The following FTCDNL1 variants were observed in gnomAD, a reference collection of about 807,000 sequenced individuals.
FTCDNL1 encodes the protein formiminotransferase cyclodeaminase N-terminal like.
FTCDNL1 carries 11 observed loss-of-function variants against 5.9 expected under a neutral mutation model. The ratio of observed to expected loss-of-function variants is 1.87; its 90% CI spans 1.18 to 3.10. The LOEUF (loss-of-function observed/expected upper bound fraction) is 3.10, where lower values mean the gene tolerates loss of function less well. Among genes scored for constraint, FTCDNL1 ranks in the 30% most tolerant of loss-of-function variants. The probability of loss-of-function intolerance (pLI) is 0.00; values close to 1 mark genes in which losing one functional copy is unlikely to be tolerated. For missense variants in FTCDNL1, 115 were observed against 65.5 expected (o/e 1.76, Z -2.61); for synonymous variants, 58 against 24.8 (o/e 2.34, Z -3.99).
chr2:199,711,066 T>C, the FTCDNL1 span, among the ~76,000 whole-genome samples: 1 of 151,996 alleles, frequency 6.6e-6, no homozygotes, highest in African/African-American at 2.4e-5. Flanking sequence ...AAGAAATAGA[T>C]ATTAATAAGG....
chr2:199,828,574 T>G (rs1702171737), intron 3 of FTCDNL1, among the ~76,000 whole-genome samples: 1 of 152,230 alleles, frequency 6.6e-6, no homozygotes, highest in South Asian at 2.1e-4. Context: ...TAACTCCTGC[T>G]TCATATTTGT....
the FTCDNL1 span, among the ~76,000 whole-genome samples, chr2:199,697,458 A>G: frequency 2.4e-4 from 36 of 152,140 alleles, no homozygotes; most frequent in African/African-American, 8.2e-4. Context: ...AAGCCAGAAG[A>G]GGTTGGGGGT....
intron 3 of FTCDNL1, among the ~76,000 whole-genome samples, chr2:199,761,138 T>C (rs1698251406): frequency 6.6e-6 from 1 of 152,248 alleles, no homozygotes; most frequent in African/African-American, 2.4e-5. Context: ...GACTGCTCCC[T>C]GCACAGAGTA....
the FTCDNL1 span, among the ~76,000 whole-genome samples, chr2:199,695,799 G>C: frequency 2.0e-5 from 3 of 152,232 alleles, no homozygotes; most frequent in Non-Finnish European, 4.4e-5. Flanking sequence ...GTTTGGTGCA[G>C]GAACAGCTGT....
At chr2:199,814,824 G>A (rs948089532) in intron 4 of FTCDNL1, among the ~76,000 whole-genome samples, 17 of 152,140 alleles carry the variant, frequency 1.1e-4, no homozygotes, top group Non-Finnish European at 2.2e-4. Context: ...ATAAAGTTTT[G>A]GTGTGGAGTA....
chr2:199,703,061 T>C, the FTCDNL1 span, among the ~76,000 whole-genome samples: 73 of 152,084 alleles, frequency 4.8e-4, 1 homozygote, highest in African/African-American at 1.4e-3. Flanking sequence ...TATTTAATTT[T>C]ATTATTATTA....
the FTCDNL1 span, among the ~76,000 whole-genome samples, chr2:199,673,846 T>C: frequency 6.6e-6 from 1 of 152,138 alleles, no homozygotes; most frequent in African/African-American, 2.4e-5. Context: ...ATATAGTCCT[T>C]CAGGGTTAAA....
At chr2:199,782,733 A>G in intron 3 of FTCDNL1, among the ~76,000 whole-genome samples, 1 of 152,168 alleles carries the variant, frequency 6.6e-6, no homozygotes, top group East Asian at 1.9e-4. Context: ...CTCAGTTTCT[A>G]GCTCATTACT....
chr2:199,676,415 A>G, the FTCDNL1 span, among the ~76,000 whole-genome samples: 1 of 152,062 alleles, frequency 6.6e-6, no homozygotes, highest in Non-Finnish European at 1.5e-5. Flanking sequence ...GGTTTCATAT[A>G]TATTATATAT....
At chr2:199,814,320 C>G (rs1232855658) in intron 4 of FTCDNL1, among the ~76,000 whole-genome samples, 1 of 152,162 alleles carries the variant, frequency 6.6e-6, no homozygotes. Flanking sequence ...GAAAAGAAAG[C>G]TAAGTGAGAA....
chr2:199,750,329 G>A, the FTCDNL1 span, among the ~76,000 whole-genome samples: 1 of 149,332 alleles, frequency 6.7e-6, no homozygotes, highest in Non-Finnish European at 1.5e-5. Flanking sequence ...CTACGCTCCA[G>A]CCTGGGTGAC....
At chr2:199,693,510 T>C in the FTCDNL1 span, among the ~76,000 whole-genome samples, 1 of 152,228 alleles carries the variant, frequency 6.6e-6, no homozygotes, top group Non-Finnish European at 1.5e-5. Flanking sequence ...GAGAAAGTGC[T>C]GTGAGAGACT....
Position 199,765,305 on chromosome 2 carries a change from G to C in FTCDNL1, c.212-4470C>G, listed in dbSNP as rs887199896. On this transcript the variant is annotated intron_variant, in intron 3 of 3. Coordinates refer to the FTCDNL1 transcript ENST00000416668. Reference sequence around the variant, plus strand: ...AATTGTAACAAACGTACCACTCTGTGGGGGGAATGTTGATAATGGGGTAGG... The same window carrying C: ...AATTGTAACAAACGTACCACTCTGTCGGGGGAATGTTGATAATGGGGTAGG... 2.6e-5 allele frequency among the ~76,000 whole-genome samples: 4 copies of C among 151,728 alleles called. No homozygotes were observed. In the South Asian group the frequency reaches 6.2e-4, roughly 24 times the overall value.
At chr2:199,775,972 G>A (rs562545578) in intron 3 of FTCDNL1, among the ~76,000 whole-genome samples, 1 of 149,974 alleles carries the variant, frequency 6.7e-6, no homozygotes, top group South Asian at 2.1e-4. Flanking sequence ...GGAGTGCAGT[G>A]GCGCGATATC....
downstream of FTCDNL1, among the ~76,000 whole-genome samples, chr2:199,757,857 T>C (rs777348604): frequency 3.3e-5 from 5 of 152,220 alleles, no homozygotes; most frequent in Non-Finnish European, 7.4e-5. Context: ...CAAAGTGGCT[T>C]AGAAGAACTT....
chr2:199,792,432 C>G (rs1037037517), intron 3 of FTCDNL1, among the ~76,000 whole-genome samples: 11 of 152,152 alleles, frequency 7.2e-5, no homozygotes, highest in Admixed American at 5.9e-4. Flanking sequence ...CAGCAGAGGA[C>G]TTTTTGGCTC....
chr2:199,827,649 A>G (rs1702117151), intron 3 of FTCDNL1, among the ~76,000 whole-genome samples: 1 of 152,158 alleles, frequency 6.6e-6, no homozygotes, highest in Admixed American at 6.5e-5. Flanking sequence ...ATGCAAGGAG[A>G]GAAAAATAAC....
At chr2:199,687,892 G>C in the FTCDNL1 span, among the ~76,000 whole-genome samples, 8 of 152,166 alleles carry the variant, frequency 5.3e-5, no homozygotes, top group African/African-American at 1.9e-4. Context: ...GAGGCTCAAA[G>C]ACTTTATATC....
At chr2:199,823,527 G>A (rs185150387) in intron 3 of FTCDNL1, among the ~76,000 whole-genome samples, 1 of 152,336 alleles carries the variant, frequency 6.6e-6, no homozygotes, top group East Asian at 1.9e-4. Context: ...CAGAATGGAT[G>A]TTGTGTTAGC....
Sources: gnomAD v4.1 joint callset for allele counts (sites outside exome capture counted in the v4.1 genomes callset) on GRCh38, gnomAD v4.1.1 for gene constraint, MANE v1.5 for transcripts, NCBI Gene and HGNC (gene_info 2026-07-23, HGNC 2026-07-21) for gene names.